The following ARNT variants were observed in gnomAD, a reference collection of about 807,000 sequenced individuals.
The protein encoded by ARNT is aryl hydrocarbon receptor nuclear translocator.
Under a neutral mutation model 105.0 loss-of-function variants are expected in ARNT, and 30 were observed. The observed-to-expected ratio is 0.29, with a 90% confidence interval of 0.21 to 0.39. The LOEUF (loss-of-function observed/expected upper bound fraction) is 0.39. ARNT is among the 10% of genes least tolerant of loss of function. The probability of loss-of-function intolerance (pLI) is 1.00; values close to 1 mark genes in which losing one functional copy is unlikely to be tolerated. For synonymous variants in ARNT, 304 were observed against 344.0 expected, an observed-to-expected ratio of 0.88 and a Z score of 1.29; for missense variants, 748 against 978.7, an observed-to-expected ratio of 0.76 and a Z score of 3.15.
In ARNT at chr1:150,826,612, G is replaced by GACTT; in HGVS notation, c.1172_1173insAAGT (p.Leu392SerfsTer13). 6.2e-7 allele frequency: 1 copy of GACTT among 1,608,668 alleles called. No individual in the cohort carries two copies. The highest frequency in any genetic ancestry group is 8.5e-7 in the Non-Finnish European group (1 of 1,175,964). Reference sequence around the variant, plus strand: ...AGAATTCTACAATATTCTTTCCTAAGAGTTCCTAGAATACAGAAAGAAGAG... The same window carrying GACTT: ...AGAATTCTACAATATTCTTTCCTAAGACTTAGTTCCTAGAATACAGAAAGAAGAG... On this transcript the variant is annotated frameshift_variant, in exon 13 of 22. Coordinates refer to ENST00000358595, the MANE Select transcript of ARNT (RefSeq NM_001668.4). LOFTEE classifies it high-confidence loss of function.
In ARNT at chr1:150,832,358, A is replaced by T. The variant is rs762622516; in HGVS notation, c.845T>A (p.Leu282Gln). 2.5e-6 allele frequency: 4 copies of T among 1,614,062 alleles called. No homozygotes were observed. The highest frequency in any genetic ancestry group is 2.5e-6 in the Non-Finnish European group (3 of 1,180,022). ...CCTGCATCTGTTCCTCACAAAGCTCAGCCTATTCACAGAAACTGGGTCCAC... is the reference window on the plus strand; with the variant it reads ...CCTGCATCTGTTCCTCACAAAGCTCTGCCTATTCACAGAAACTGGGTCCAC... ...SSVDPVSVNRLSFVRNRCRNG... is the reference protein window; with the variant it reads ...SSVDPVSVNRQSFVRNRCRNG... The change falls in exon 9 of 22, where the codon CTG (leucine) becomes CAG (glutamine). Residue 282 changes from leucine (L) to glutamine (Q), a missense_variant. Leu to Gln is a moderately radical substitution (Grantham distance 113). Coordinates refer to ENST00000358595, the MANE Select transcript of ARNT (RefSeq NM_001668.4).
At chr1:150,812,212 GTCTTTGCTGTGCTGAGC>G (rs1307234453) in intron 21 of ARNT, 102 bp from the exon 22 acceptor site, 5 of 805,814 alleles carry the variant, frequency 6.2e-6, no homozygotes, top group Admixed American at 3.5e-5. Context: ...CTGACCCCGA[GTCTTTGCTGTGCTGAGC>G]TCTTAGCCTT....
At chr1:150,871,907 C>CAA (rs776523588) in intron 1 of ARNT, among the ~76,000 whole-genome samples, 2,378 of 38,790 alleles carry the variant, frequency 0.061, 270 homozygotes, top group African/African-American at 0.18. Flanking sequence ...GACCCTGTCT[C>CAA]AAAAAAAAAA....
Position 150,817,199 on chromosome 1 carries a change from C to T in ARNT, c.1582G>A (p.Val528Ile), listed in dbSNP as rs757224933. The change falls in exon 17 of 22, where the codon GTT (valine) becomes ATT (isoleucine). Residue 528 changes from valine to isoleucine, a missense_variant. Physicochemically the swap from Val to Ile is conservative, Grantham distance 29. Around this residue, in one of 4 missense-constraint regions of ARNT, gnomAD observed 360 missense variants for 411.9 expected, o/e 0.87. Transcript: ENST00000358595. ...GGTCCTGTGGTTGTCACAGGCTGAA[C>T]CACCTGTGGAATACAATGATAAAAA... ...GLASYNHSQVVQPVTTTGPEH... is the reference protein window; with the variant it reads ...GLASYNHSQVIQPVTTTGPEH... 1 of 1,613,830 alleles carries T rather than the reference C, an allele frequency of 6.2e-7. No homozygotes were observed. The highest frequency in any genetic ancestry group is 2.2e-5 in the East Asian group (1 of 44,892).
At chr1:150,839,400 C>A in intron 6 of ARNT, 41 bp downstream of exon 6, 2 of 1,601,542 alleles carry the variant, frequency 1.2e-6, no homozygotes, top group Non-Finnish European at 1.7e-6. Context: ...AAGAGATTCA[C>A]CCAGATTCCA....
intron 6 of ARNT, 34 bp from the exon 7 acceptor site, chr1:150,836,527 T>C (rs771935569): frequency 1.3e-6 from 2 of 1,590,934 alleles, no homozygotes; most frequent in South Asian, 1.1e-5. Flanking sequence ...GTTAATATTT[T>C]ACTCTGAAAA....
chr1:150,819,228 A>T (rs1242938806), intron 14 of ARNT, among the ~76,000 whole-genome samples: 1 of 49,322 alleles, frequency 2.0e-5, no homozygotes, highest in Non-Finnish European at 3.8e-5. Context: ...GGCTACAATA[A>T]AAAAAAAAAG....
At chr1:150,856,960 C>A (rs1047134715) in intron 2 of ARNT, among the ~76,000 whole-genome samples, 1 of 148,722 alleles carries the variant, frequency 6.7e-6, no homozygotes, top group African/African-American at 2.5e-5. Context: ...TCTAAAAAAA[C>A]CAAAAAGAAA....
chr1:150,868,773 G>A (rs1188678658), intron 1 of ARNT, among the ~76,000 whole-genome samples: 1 of 152,090 alleles, frequency 6.6e-6, no homozygotes, highest in African/African-American at 2.4e-5. Flanking sequence ...GGTGGCACGT[G>A]CCTGTAGTCC....
chr1:150,830,146 G>T, intron 10 of ARNT, 166 bp from the exon 11 acceptor site: 1 of 649,256 alleles, frequency 1.5e-6, no homozygotes, highest in Non-Finnish European at 2.6e-6. Context: ...ATCACTTGAG[G>T]ACCAGCCTGG....
In ARNT at chr1:150,834,621, C is replaced by A; in HGVS notation, c.720G>T (p.Lys240Asn). 2 of 1,613,984 alleles carry A rather than the reference C, an allele frequency of 1.2e-6. No homozygotes were observed. Among genetic ancestry groups the A allele is most frequent in the Non-Finnish European group, 1.7e-6 (2 of 1,179,928 alleles). Residue 240 changes from lysine to asparagine, a missense_variant, in exon 8 of 22, where the codon AAG becomes AAT. Physicochemically the swap from Lys to Asn is moderately conservative, Grantham distance 94. This residue lies in a region of ARNT where 291 missense variants were observed against 444.6 expected (regional missense o/e 0.65). Transcript: ENST00000358595. ...GACCTTCCTTTTTCACTGTTCCAGT[C>A]TTTAGATCCAGGATACGCCCTGAAG... ...NALTGRILDL[K>N]TGTVKKEGQQ... is the part of the protein sequence containing the mutation.
chr1:150,843,961 TCC>T (rs1318804326), intron 4 of ARNT, among the ~76,000 whole-genome samples: 1 of 152,138 alleles, frequency 6.6e-6, no homozygotes, highest in Non-Finnish European at 1.5e-5. Context: ...AGATCCACAA[TCC>T]CTAATCCACC....
intron 6 of ARNT, among the ~76,000 whole-genome samples, chr1:150,838,678 C>G (rs922930084): frequency 6.6e-6 from 1 of 151,906 alleles, no homozygotes; most frequent in Admixed American, 6.6e-5. Context: ...TTCCTTATAC[C>G]TCCTACATTT....
chr1:150,843,303 T>C (rs868638471), intron 4 of ARNT, among the ~76,000 whole-genome samples: 11 of 152,258 alleles, frequency 7.2e-5, no homozygotes, highest in Middle Eastern at 3.4e-3. Flanking sequence ...ACTGAGGAAA[T>C]AGCAAGGTGT....
At chr1:150,818,153 C>T (rs1656337103) in intron 14 of ARNT, 123 bp from the exon 15 acceptor site, 1 of 658,758 alleles carries the variant, frequency 1.5e-6, no homozygotes, top group Non-Finnish European at 2.5e-6. Context: ...GTGGAACAAT[C>T]AATAAATCCT....
intron 20 of ARNT, among the ~76,000 whole-genome samples, chr1:150,813,627 G>T (rs1373322086): frequency 6.6e-6 from 1 of 151,508 alleles, no homozygotes; most frequent in African/African-American, 2.4e-5. Context: ...TATTTTTCAT[G>T]TGGGTAGTTT....
chr1:150,819,219 G>A (rs1656570291), intron 14 of ARNT, among the ~76,000 whole-genome samples: 1 of 126,452 alleles, frequency 7.9e-6, no homozygotes, highest in Non-Finnish European at 1.6e-5. Context: ...CTACTAGATG[G>A]CTACAATAAA....
At position 150,826,500 on chromosome 1, in the gene ARNT, T is replaced by A. The variant is rs765440766; in HGVS notation, c.1242+43A>T. 2.3e-4 allele frequency: 337 copies of A among 1,486,196 alleles called. 1 individual carries two copies. The Admixed American group carries it at 5.6e-3, about 25-fold the overall frequency. The allele number at this position is 1,486,196 out of a possible 1,614,324, so 92.1% of individuals were successfully genotyped here. A position where few individuals can be genotyped will look rare whatever the true frequency, so the allele number is the denominator to read the frequency against. ...CAGTAGTCAATATTTATGGAGTGAA[T>A]ATGACAAATATTTATTCAGAACCAA... is the stretch of plus-strand genomic sequence containing the variant. On this transcript the variant is annotated intron_variant, in intron 13 of 21. Coordinates refer to ENST00000358595, the MANE Select transcript of ARNT (RefSeq NM_001668.4).
Position 150,832,390 on chromosome 1 carries a change from A to C in ARNT, c.813T>G (p.Ser271Arg), listed in dbSNP as rs755152317. ...TCACAGAAACTGGGTCCACAGAGCT[A>C]CTGCCACACCTGTTTCAAGGAATAA... ...RSFICRMRCG[S>R]SSVDPVSVNR... Residue 271 changes from serine to arginine, a missense_variant, in exon 9 of 22, where the codon AGT (serine) becomes AGG (arginine). This residue lies in a region of ARNT where 291 missense variants were observed against 444.6 expected (regional missense o/e 0.65). Transcript: ENST00000358595. The C allele has an allele frequency of 6.2e-7, 1 of 1,614,164 alleles. No individual in the cohort carries two copies.
Sources: gnomAD v4.1 joint callset for allele counts (sites outside exome capture counted in the v4.1 genomes callset) on GRCh38, gnomAD v4.1.1 for gene constraint, gnomAD v4.1.1 regional missense constraint, MANE v1.5 for transcripts, NCBI Gene and HGNC (gene_info 2026-07-23, HGNC 2026-07-21) for gene names.